Variants in RBP3 observed in about 807,000 individuals in gnomAD.
RBP3 encodes the protein retinol binding protein 3.
RBP3 carries 50 observed loss-of-function variants against 64.8 expected under a neutral mutation model. That is an observed-to-expected ratio of 0.77 (90% confidence interval 0.61 to 0.98). The LOEUF (loss-of-function observed/expected upper bound fraction) is 0.98, where lower values mean the gene tolerates loss of function less well. RBP3 is among the 50% of genes least tolerant of loss of function. The pLI is 0.00. For missense variants in RBP3, 1,712 were observed against 1,660.5 expected, an observed-to-expected ratio of 1.03 and a Z score of -0.54; for synonymous variants, 828 against 730.2, an observed-to-expected ratio of 1.13 and a Z score of -2.16.
In RBP3 at chr10:47,350,119, C is replaced by A. The variant is rs145042281; in HGVS notation, c.1635C>A (p.Thr545=). 252 of 1,613,026 alleles carry A rather than the reference C, an allele frequency of 1.6e-4. 1 individual carries two copies. In the African/African-American group the frequency reaches 2.9e-3, roughly 19 times the overall value. Residue 545 remains threonine, a synonymous_variant, in exon 1 of 4, where the codon ACC becomes ACA. Transcript: ENST00000584701. ...TGTATCTGCTCACCAGCCACCGCAC[C>A]GCCACGGCCGCGGAGGAGTTCGCCT... The part of the protein sequence containing the change: ...RGVYLLTSHR[T]ATAAEEFAFL...
chr10:47,355,090 T>C (rs1321295309), intron 2 of RBP3, among the ~76,000 whole-genome samples: 5 of 152,226 alleles, frequency 3.3e-5, no homozygotes, highest in African/African-American at 1.2e-4. Flanking sequence ...AGTTTCTGAC[T>C]GCAGGACTTG....
In RBP3 at chr10:47,350,453, G is replaced by T. The variant is rs532389581; in HGVS notation, c.1969G>T (p.Val657Leu). Residue 657 changes from valine to leucine, a missense_variant, in exon 1 of 4, where the codon GTG becomes TTG. Physicochemically the swap from Val to Leu is conservative, Grantham distance 32. Coordinates refer to ENST00000584701, the MANE Select transcript of RBP3 (RefSeq NM_002900.3). ...GGCCCACTATGCTCGGCCAGAGGTC[G>T]TGGGGCAGACCAGTGCCCTCCTGCG... ...LEAHYARPEVVGQTSALLRAK... is the reference protein window; with the variant it reads ...LEAHYARPEVLGQTSALLRAK... 1 of 1,612,366 alleles carries T rather than the reference G, an allele frequency of 6.2e-7. No homozygotes were observed. The highest frequency in any genetic ancestry group is 1.1e-5 in the South Asian group (1 of 91,062).
At chr10:47,355,341 C>T (rs782567490) in intron 2 of RBP3, 35 bp from the exon 3 acceptor site, 1 of 1,612,544 alleles carries the variant, frequency 6.2e-7, no homozygotes, top group East Asian at 2.2e-5. Flanking sequence ...ACTGTGAGCT[C>T]AGCCCCTGAA....
chr10:47,350,411 A>T lies in RBP3; in HGVS notation c.1927A>T (p.Thr643Ser), dbSNP rs1267656866. The T allele has an allele frequency of 6.8e-6, 11 of 1,612,292 alleles. No homozygotes were observed. The highest frequency in any genetic ancestry group is 9.3e-6 in the Non-Finnish European group (11 of 1,179,806). ...HQSLGALVEG[T>S]GHLLEAHYAR... is the part of the protein sequence containing the mutation. ...AAGCCTGGGGGCCTTGGTGGAGGGC[A>T]CAGGGCACCTGCTGGAGGCCCACTA... Residue 643 changes from threonine to serine, a missense_variant, in exon 1 of 4, where the codon ACA (threonine) becomes TCA (serine). Thr to Ser is a moderately conservative substitution (Grantham distance 58, BLOSUM62 1). Coordinates refer to ENST00000584701, the MANE Select transcript of RBP3 (RefSeq NM_002900.3).
rs1836947914 is a variant in RBP3, at chr10:47,350,385, A to C, written c.1901A>C (p.Gln634Pro). 1.9e-6 allele frequency: 3 copies of C among 1,612,484 alleles called. No homozygotes were observed. Among genetic ancestry groups the C allele is most frequent in the Non-Finnish European group, 2.5e-6 (3 of 1,179,910 alleles). ...GCCCAGGAAGTGCTGGAGTTCCACC[A>C]AAGCCTGGGGGCCTTGGTGGAGGGC... Reference protein sequence around the residue: ...DKAQEVLEFHQSLGALVEGTG... With the variant: ...DKAQEVLEFHPSLGALVEGTG... Residue 634 changes from glutamine (Q) to proline (P), a missense_variant, in exon 1 of 4, where the codon CAA becomes CCA. Coordinates refer to ENST00000584701, the MANE Select transcript of RBP3 (RefSeq NM_002900.3).
At position 47,353,435 on chromosome 10, in the gene RBP3, G is replaced by T. The variant is rs781822673; in HGVS notation, c.3165G>T (p.Leu1055=). The T allele has an allele frequency of 1.5e-5, 24 of 1,614,038 alleles. No homozygotes were observed. The highest frequency in any genetic ancestry group is 1.9e-5 in the Non-Finnish European group (23 of 1,180,034). ...LRFDMFGDGE[L]LTQVSRLLVE... Reference sequence around the variant, plus strand: ...TTGACATGTTTGGGGACGGTGAGCTGCTCACCCAGGTCTCCAGGCTGCTGG... The same window carrying T: ...TTGACATGTTTGGGGACGGTGAGCTTCTCACCCAGGTCTCCAGGCTGCTGG... Residue 1055 remains leucine, a synonymous_variant, in exon 2 of 4, where the codon CTG becomes CTT. Coordinates refer to ENST00000584701, the MANE Select transcript of RBP3 (RefSeq NM_002900.3).
rs1440267686 is a variant in RBP3, at chr10:47,348,494, G to T, written c.10G>T (p.Glu4Ter). The part of the protein sequence containing the change: MMR[E>*]WVLLMSVLLC... ...CTCCCCCTGGGTCCCCATGATGAGA[G>T]AATGGGTTCTGCTCATGTCCGTGCT... The change falls in exon 1 of 4, where the codon GAA (glutamate) becomes TAA (stop). Residue 4 changes from glutamate (E) to a stop codon, truncating the protein, a stop_gained. Transcript: ENST00000584701. LOFTEE classifies it high-confidence loss of function. 6.2e-7 allele frequency: 1 copy of T among 1,603,302 alleles called. No homozygotes were observed.
Position 47,349,270 on chromosome 10 carries a change from G to A in RBP3, c.786G>A (p.Gly262=). The A allele has an allele frequency of 6.2e-7, 1 of 1,613,094 alleles. No individual in the cohort carries two copies. The highest frequency in any genetic ancestry group is 8.5e-7 in the Non-Finnish European group (1 of 1,180,008). Residue 262 remains glycine (G), a synonymous_variant, in exon 1 of 4, where the codon GGG becomes GGA. Transcript: ENST00000584701. ...AIVVGERTGG[G]ALDLRKLRIG... is the part of the protein sequence containing the mutation. ...TGGTGGGCGAGCGGACTGGGGGAGG[G>A]GCCCTGGACCTCCGGAAGCTGAGGA...
In RBP3 at chr10:47,352,772, G is replaced by A. The variant is rs549653687; in HGVS notation, c.3055-553G>A. On this transcript the variant is annotated intron_variant, in intron 1 of 3. Coordinates refer to ENST00000584701, the MANE Select transcript of RBP3 (RefSeq NM_002900.3). ...CCTTTCCAGTATAGCCAAGGTTCAC[G>A]ATTTGGAGTCAGATGTGGATTCAGA... Among the ~76,000 whole-genome samples the A allele has an allele frequency of 1.3e-3, 194 of 152,326 alleles. 2 individuals carry two copies. The highest frequency in any genetic ancestry group is 4.5e-3 in the African/African-American group (186 of 41,564).
chr10:47,355,311 C>T lies in RBP3; in HGVS notation c.3246-65C>T, dbSNP rs546604824. Reference sequence around the variant, plus strand: ...CATGGGACAAAGATCCTGGCCTCCCCGAGGGGCACACAGGGCCTCACTGTG... The same window carrying T: ...CATGGGACAAAGATCCTGGCCTCCCTGAGGGGCACACAGGGCCTCACTGTG... On this transcript the variant is annotated intron_variant, in intron 2 of 3. Coordinates refer to ENST00000584701, the MANE Select transcript of RBP3 (RefSeq NM_002900.3). The T allele has an allele frequency of 2.6e-5, 42 of 1,606,792 alleles. No homozygotes were observed. In the East Asian group the frequency reaches 4.0e-4, roughly 15 times the overall value.
In RBP3 at chr10:47,350,442, G is replaced by A. The variant is rs782681548; in HGVS notation, c.1958G>A (p.Arg653Gln). The A allele has an allele frequency of 7.3e-5, 117 of 1,612,230 alleles. No individual in the cohort carries two copies. In the Middle Eastern group the frequency reaches 2.0e-3, roughly 27 times the overall value. The stretch of plus-strand genomic sequence containing the variant: ...CACCTGCTGGAGGCCCACTATGCTC[G>A]GCCAGAGGTCGTGGGGCAGACCAGT... ...TGHLLEAHYA[R>Q]PEVVGQTSAL... The change falls in exon 1 of 4, where the codon CGG becomes CAG. Residue 653 changes from arginine to glutamine, a missense_variant. Physicochemically the swap from Arg to Gln is conservative, Grantham distance 43 (BLOSUM62 1). Transcript: ENST00000584701.
chr10:47,348,558 C>T lies in RBP3; in HGVS notation c.74C>T (p.Pro25Leu). 6.2e-7 allele frequency: 1 copy of T among 1,612,758 alleles called. No individual in the cohort carries two copies. The highest frequency in any genetic ancestry group is 8.5e-7 in the Non-Finnish European group (1 of 1,180,014). Residue 25 changes from proline (P) to leucine (L), a missense_variant, in exon 1 of 4, where the codon CCA becomes CTA. By Grantham distance (98) the Pro-to-Leu change is moderately conservative (BLOSUM62 -3). Transcript: ENST00000584701. Reference sequence around the variant, plus strand: ...GCTGGCCCCACACACCTGTTCCAGCCAAGCCTGGTGCTGGACATGGCCAAG... The same window carrying T: ...GCTGGCCCCACACACCTGTTCCAGCTAAGCCTGGTGCTGGACATGGCCAAG... ...GLAGPTHLFQPSLVLDMAKVL... is the reference protein window; with the variant it reads ...GLAGPTHLFQLSLVLDMAKVL...
chr10:47,351,171 A>G lies in RBP3; in HGVS notation c.2687A>G (p.Gln896Arg), dbSNP rs1836966804. Residue 896 changes from glutamine (Q) to arginine (R), a missense_variant, in exon 1 of 4, where the codon CAG becomes CGG. Transcript: ENST00000584701. ...CCCTTATATGCATCCATGCCCACCC[A>G]GATGGCCATGAGTGCCACCACAGGC... ...SSPLYASMPT[Q>R]MAMSATTGKA... 6.2e-7 allele frequency: 1 copy of G among 1,613,048 alleles called. No individual in the cohort carries two copies. Among genetic ancestry groups the G allele is most frequent in the Non-Finnish European group, 8.5e-7 (1 of 1,180,030 alleles).
rs569378041 is a variant in RBP3, at chr10:47,349,817, G to A, written c.1333G>A (p.Asp445Asn). 11 of 1,613,170 alleles carry A rather than the reference G, an allele frequency of 6.8e-6. No individual in the cohort carries two copies. The highest frequency in any genetic ancestry group is 1.6e-4 in the Middle Eastern group (1 of 6,084). Residue 445 changes from aspartate (D) to asparagine (N), a missense_variant, in exon 1 of 4, where the codon GAT becomes AAT. Transcript: ENST00000584701. ...LPGNVGYLRF[D>N]SFADASVLGV... is the part of the protein sequence containing the mutation. ...AGGCAATGTGGGCTACCTGCGCTTC[G>A]ATAGTTTTGCTGACGCCTCCGTCCT...
At chr10:47,355,345 C>G in intron 2 of RBP3, 31 bp from the exon 3 acceptor site, 14 of 1,612,736 alleles carry the variant, frequency 8.7e-6, no homozygotes, top group Non-Finnish European at 1.2e-5. Context: ...TGAGCTCAGC[C>G]CCTGAACAGG....
Position 47,348,757 on chromosome 10 carries a change from T to A in RBP3, c.273T>A (p.Tyr91Ter), listed in dbSNP as rs1296026333. ...ACGATCCTCGCCTGGTCATCTCCTA[T>A]GAGCCCAGCACCCCCGAGCCTCCCC... ...SLNDPRLVIS[Y>*]EPSTPEPPPQ... is the part of the protein sequence containing the mutation. Residue 91 changes from tyrosine to a stop codon, truncating the protein, a stop_gained, in exon 1 of 4, where the codon TAT (tyrosine) becomes TAA (stop). Transcript: ENST00000584701. LOFTEE classifies it high-confidence loss of function. 1.9e-6 allele frequency: 3 copies of A among 1,613,470 alleles called. No individual in the cohort carries two copies. The highest frequency in any genetic ancestry group is 1.3e-5 in the African/African-American group (1 of 74,912).
chr10:47,349,452 G>T lies in RBP3; in HGVS notation c.968G>T (p.Arg323Leu). The T allele has an allele frequency of 6.2e-7, 1 of 1,612,544 alleles. No individual in the cohort carries two copies. The highest frequency in any genetic ancestry group is 8.5e-7 in the Non-Finnish European group (1 of 1,180,010). The change falls in exon 1 of 4, where the codon CGC becomes CTC. Residue 323 changes from arginine to leucine, a missense_variant. Arg to Leu is a moderately radical substitution (Grantham distance 102). Coordinates refer to ENST00000584701, the MANE Select transcript of RBP3 (RefSeq NM_002900.3). ...LEKALAILTL[R>L]SALPGVVHCL... ...AAAGCCCTGGCCATCCTCACTCTGC[G>T]CAGCGCCCTTCCAGGGGTAGTCCAC...
chr10:47,356,074 G>A (rs1837043016), intron 3 of RBP3, among the ~76,000 whole-genome samples: 1 of 152,126 alleles, frequency 6.6e-6, no homozygotes, highest in East Asian at 1.9e-4. Flanking sequence ...ATTCCAGGGT[G>A]GATGGCCTCC....
chr10:47,353,617 C>T (rs1837009489), intron 2 of RBP3, 102 bp downstream of exon 2: 7 of 1,388,308 alleles, frequency 5.0e-6, no homozygotes, highest in South Asian at 3.5e-5. Flanking sequence ...CCCTGTGACA[C>T]AGCAGAGGAC....
Sources: gnomAD v4.1 joint callset for allele counts (sites outside exome capture counted in the v4.1 genomes callset) on GRCh38, gnomAD v4.1.1 for gene constraint, MANE v1.5 for transcripts, NCBI Gene and HGNC (gene_info 2026-07-23, HGNC 2026-07-21) for gene names.